Variants in NUFIP2 observed in about 807,000 individuals in gnomAD.
NUFIP2 encodes FMR1-interacting protein NUFIP2.
Under a neutral mutation model 56.9 loss-of-function variants are expected in NUFIP2, and 6 were observed. The observed-to-expected ratio is 0.11, with a 90% CI of 0.06 to 0.21. The LOEUF (loss-of-function observed/expected upper bound fraction) is 0.21. Ranked by LOEUF, NUFIP2 falls within the 10% of genes least tolerant of loss-of-function variation. NUFIP2 has a pLI of 1.00. For missense variants in NUFIP2, 828 were observed against 826.8 expected, an observed-to-expected ratio of 1.00 and a Z score of -0.02; for synonymous variants, 321 against 298.2, an observed-to-expected ratio of 1.08 and a Z score of -0.79.
rs770448250 is a variant in NUFIP2 at position 29,286,341 on chromosome 17, T to A, written c.1653A>T (p.Ile551=). The stretch of plus-strand genomic sequence containing the variant: ...CAGGATGCTCAGTTCCTGAGGGAAT[T>A]ATTTCAGCACCCTGTGAAACCAAAG... ...PATLVSQGAE[I]IPSGTEHPVF... The change falls in exon 2 of 4, where the codon ATA becomes ATT. Residue 551 remains isoleucine (I), a synonymous_variant. Transcript: ENST00000225388. The A allele has an allele frequency of 1.9e-6, 3 of 1,614,156 alleles. No individual in the cohort carries two copies. The highest frequency in any genetic ancestry group is 2.5e-6 in the Non-Finnish European group (3 of 1,180,016).
rs1412780719 is a variant in NUFIP2 at position 29,264,095 on chromosome 17, AGT to A, written c.*442_*443del. The A allele has an allele frequency of 6.6e-6, 1 of 152,604 alleles. No homozygotes were observed. Among genetic ancestry groups the A allele is most frequent in the Non-Finnish European group, 1.5e-5 (1 of 68,036 alleles). 9.5% of individuals were successfully genotyped at this position (152,604 alleles called of 1,614,324 possible). A position where few individuals can be genotyped will look rare whatever the true frequency, so the allele number is the denominator to read the frequency against. The stretch of plus-strand genomic sequence containing the variant: ...GAATCATTCTGGGTTCCCCGTGATT[AGT>A]GTATCACTTCAGTCACAGAACAAGA... On this transcript the variant is annotated 3_prime_UTR_variant, in exon 4 of 4. Coordinates refer to ENST00000225388, the MANE Select transcript of NUFIP2 (RefSeq NM_020772.3).
chr17:29,280,490 G>A (rs1266024641), intron 2 of NUFIP2, among the ~76,000 whole-genome samples: 8 of 152,132 alleles, frequency 5.3e-5, no homozygotes, highest in Non-Finnish European at 1.0e-4. Context: ...ACTTAAGGAG[G>A]CTGAAGCAGA....
intron 2 of NUFIP2, among the ~76,000 whole-genome samples, chr17:29,284,266 GGGAAGACT>G: frequency 6.6e-6 from 1 of 150,446 alleles, no homozygotes; most frequent in South Asian, 2.1e-4. Context: ...TAGGAAAGAT[GGGAAGACT>G]GAAACCCACT....
rs202024912 is a variant in NUFIP2, at chr17:29,287,728, GA to G, written c.278-13del. On this transcript the variant is annotated splice_polypyrimidine_tract_variant and intron_variant, in intron 1 of 3. Transcript: ENST00000225388. ...TAGTTCACCATAGCCTAGGGGAGGG[GA>G]AAAAAAGGATTAAAAAAAAAAATCA... 2,074 of 1,542,246 alleles carry G rather than the reference GA, an allele frequency of 1.3e-3. 34 individuals are homozygous for G. In the East Asian group the frequency reaches 0.034, roughly 25 times the overall value.
chr17:29,290,053 T>C lies in NUFIP2; in HGVS notation c.278-2337A>G, dbSNP rs950685097. On this transcript the variant is annotated intron_variant, in intron 1 of 3. Transcript: ENST00000225388. Reference sequence around the variant, plus strand: ...ACTCAGCCTCCAGAGTAGCTGGGATTACAGGCATGCACCACGATGCCCAGT... The same window carrying C: ...ACTCAGCCTCCAGAGTAGCTGGGATCACAGGCATGCACCACGATGCCCAGT... Among the ~76,000 whole-genome samples, 4 of 152,188 alleles carry C rather than the reference T, an allele frequency of 2.6e-5. No homozygotes were observed. The East Asian group carries it at 7.8e-4, about 30-fold the overall frequency.
At chr17:29,278,144 G>A (rs932127589) in intron 2 of NUFIP2, among the ~76,000 whole-genome samples, 4 of 152,138 alleles carry the variant, frequency 2.6e-5, no homozygotes, top group Non-Finnish European at 5.9e-5. Context: ...AACAATCCAG[G>A]ATAAGAAGAA....
intron 1 of NUFIP2, among the ~76,000 whole-genome samples, chr17:29,288,591 C>T (rs1274196850): frequency 6.6e-6 from 1 of 152,130 alleles, no homozygotes; most frequent in Non-Finnish European, 1.5e-5. Context: ...TACGTGAAAC[C>T]AAAATATCTA....
At chr17:29,277,380 C>T (rs537810797) in intron 2 of NUFIP2, among the ~76,000 whole-genome samples, 1 of 152,238 alleles carries the variant, frequency 6.6e-6, no homozygotes, top group African/African-American at 2.4e-5. Context: ...AGATAGATAA[C>T]AAATCAACAT....
intron 2 of NUFIP2, among the ~76,000 whole-genome samples, chr17:29,280,948 G>T (rs190821038): frequency 6.7e-6 from 1 of 148,394 alleles, no homozygotes; most frequent in Non-Finnish European, 1.5e-5. Flanking sequence ...TCGCACCATT[G>T]TACTCCATCC....
intron 1 of NUFIP2, among the ~76,000 whole-genome samples, chr17:29,290,206 A>G (rs1567682682): frequency 2.0e-5 from 3 of 152,134 alleles, no homozygotes; most frequent in African/African-American, 7.2e-5. Context: ...TAGAACTCTT[A>G]AGAGTTCTTA....
intron 1 of NUFIP2, among the ~76,000 whole-genome samples, chr17:29,291,177 T>C (rs908862247): frequency 2.0e-5 from 3 of 152,226 alleles, no homozygotes; most frequent in Admixed American, 6.5e-5. Context: ...GTAAACATTA[T>C]AGAATAAATT....
At position 29,262,471 on chromosome 17, in the gene NUFIP2, A is replaced by G. The variant is rs1475898282; in HGVS notation, c.*2068T>C. On this transcript the variant is annotated 3_prime_UTR_variant, in exon 4 of 4. Transcript: ENST00000225388. ...TATGTTGCATTTTCCAGTTTGTTCA[A>G]TGCTTTAAAGCTCAAGGATGCCTCT... The G allele has an allele frequency of 6.6e-6, 1 of 152,378 alleles. No homozygotes were observed. The highest frequency in any genetic ancestry group is 1.5e-5 in the Non-Finnish European group (1 of 67,986). The allele number at this position is 152,378 out of a possible 1,614,324, so 9.4% of individuals were successfully genotyped here.
chr17:29,276,029 A>ATATATATATATATATATATATATATATAT (rs2069105914), intron 2 of NUFIP2, among the ~76,000 whole-genome samples: 1 of 138,140 alleles, frequency 7.2e-6, no homozygotes, highest in Non-Finnish European at 1.6e-5. Context: ...CTCCGTCTCA[A>ATATATATATATATATATATATATATATAT]ATATATATAT....
intron 1 of NUFIP2, among the ~76,000 whole-genome samples, chr17:29,293,299 C>T (rs1475905059): frequency 2.0e-5 from 3 of 151,532 alleles, no homozygotes; most frequent in African/African-American, 7.3e-5. Context: ...GTGAGGGGCA[C>T]TTCCTCAACT....
chr17:29,270,519 C>T (rs1426163479), intron 2 of NUFIP2, among the ~76,000 whole-genome samples: 1 of 151,298 alleles, frequency 6.6e-6, no homozygotes, highest in African/African-American at 2.4e-5. Context: ...CTTGGTTGAC[C>T]TACTGCAAAA....
At chr17:29,279,247 GATTA>G (rs1162293070) in intron 2 of NUFIP2, among the ~76,000 whole-genome samples, 8 of 152,088 alleles carry the variant, frequency 5.3e-5, no homozygotes, top group Non-Finnish European at 1.2e-4. Flanking sequence ...CAATTTTATG[GATTA>G]ATCATAATTT....
intron 2 of NUFIP2, among the ~76,000 whole-genome samples, chr17:29,269,226 A>T (rs763958164): frequency 9.2e-5 from 14 of 152,210 alleles, no homozygotes; most frequent in Non-Finnish European, 1.8e-4. Context: ...GGACAAAAAG[A>T]TTATTTTAAC....
In NUFIP2 at chr17:29,259,412, T is replaced by A. The variant is rs1258147978; in HGVS notation, c.*5127A>T. ...GTCTGGTCAACATGGTGAAACCCCG[T>A]CTCTACTAAGAATACAAATTAGCCA... On this transcript the variant is annotated 3_prime_UTR_variant, in exon 4 of 4. Coordinates refer to ENST00000225388, the MANE Select transcript of NUFIP2 (RefSeq NM_020772.3). 1.3e-5 allele frequency: 2 copies of A among 151,896 alleles called. No homozygotes were observed. The highest frequency in any genetic ancestry group is 2.9e-5 in the Non-Finnish European group (2 of 68,030). 9.4% of individuals were successfully genotyped at this position (151,896 alleles called of 1,614,324 possible).
intron 2 of NUFIP2, among the ~76,000 whole-genome samples, chr17:29,273,495 TCTACACA>T (rs2069088633): frequency 6.9e-6 from 1 of 144,486 alleles, no homozygotes; most frequent in African/African-American, 2.8e-5. Context: ...ACTGCTCTCT[TCTACACA>T]CACACACACA....
Sources: allele counts gnomAD v4.1 joint callset (sites outside exome capture counted in the v4.1 genomes callset), GRCh38; gene constraint gnomAD v4.1.1; transcripts MANE v1.5; gene names NCBI Gene and HGNC (gene_info 2026-07-23, HGNC 2026-07-21).